PTPRR: variants seen among roughly 807,000 people sequenced by gnomAD.
The protein encoded by PTPRR is protein tyrosine phosphatase receptor type R, also known as receptor-type tyrosine-protein phosphatase R.
PTPRR carries 38 observed loss-of-function variants against 77.2 expected under a neutral mutation model. The ratio of observed to expected loss-of-function variants is 0.49; its 90% CI spans 0.38 to 0.65. The LOEUF is 0.65. Ranked by LOEUF, PTPRR falls within the 30% of genes least tolerant of loss-of-function variation. The pLI is 0.00. For synonymous variants in PTPRR, 299 were observed against 283.1 expected (o/e 1.06, Z -0.57); for missense variants, 744 against 799.2 (o/e 0.93, Z 0.83).
chr12:70,692,658 A>C (rs1166465186), intron 8 of PTPRR, among the ~76,000 whole-genome samples: 2 of 152,142 alleles, frequency 1.3e-5, no homozygotes, highest in African/African-American at 4.8e-5. Context: ...TGCAGATTTT[A>C]TGCTTTTGCA....
chr12:70,868,613 G>A (rs1269447043), intron 2 of PTPRR, among the ~76,000 whole-genome samples: 1 of 152,094 alleles, frequency 6.6e-6, no homozygotes, highest in Admixed American at 6.5e-5. Flanking sequence ...TTCAACCCTT[G>A]TGGAAGTCAG....
At chr12:70,881,929 G>T (rs1346739209) in intron 2 of PTPRR, among the ~76,000 whole-genome samples, 1 of 152,204 alleles carries the variant, frequency 6.6e-6, no homozygotes, top group African/African-American at 2.4e-5. Context: ...AAAGGGTGGA[G>T]AGTTGAATAT....
chr12:70,803,440 G>C (rs569085474), intron 2 of PTPRR, among the ~76,000 whole-genome samples: 1 of 152,148 alleles, frequency 6.6e-6, no homozygotes, highest in Non-Finnish European at 1.5e-5. Context: ...CAAACACCAA[G>C]AAGAAGCAGT....
chr12:70,858,905 T>C (rs1892699034), intron 2 of PTPRR, among the ~76,000 whole-genome samples: 2 of 152,040 alleles, frequency 1.3e-5, no homozygotes, highest in South Asian at 4.1e-4. Flanking sequence ...GTAGGCATTT[T>C]GAACACAATG....
At chr12:70,672,914 C>T (rs780303049) in intron 10 of PTPRR, 13 of 1,523,208 alleles carry the variant, frequency 8.5e-6, no homozygotes, top group Non-Finnish European at 1.1e-5. Flanking sequence ...TCCCACTCAG[C>T]TTAGCCCAGG....
intron 2 of PTPRR, among the ~76,000 whole-genome samples, chr12:70,799,625 T>C (rs1228083765): frequency 1.3e-5 from 2 of 152,160 alleles, no homozygotes. Flanking sequence ...GAAATTTCCA[T>C]TAAGTAACAA....
At chr12:70,646,592 T>C (rs1452026140) in intron 13 of PTPRR, among the ~76,000 whole-genome samples, 3 of 152,238 alleles carry the variant, frequency 2.0e-5, no homozygotes, top group African/African-American at 7.2e-5. Flanking sequence ...TAATATGTTT[T>C]ACAAAGTAGA....
intron 4 of PTPRR, among the ~76,000 whole-genome samples, chr12:70,755,933 T>C (rs761643993): frequency 4.6e-4 from 70 of 152,188 alleles, no homozygotes; most frequent in Middle Eastern, 3.4e-3. Flanking sequence ...GGTATAAATA[T>C]GGAAATGAAT....
intron 2 of PTPRR, among the ~76,000 whole-genome samples, chr12:70,780,065 C>T (rs1891171446): frequency 6.6e-6 from 1 of 151,836 alleles, no homozygotes; most frequent in African/African-American, 2.4e-5. Context: ...AATCTTGGCT[C>T]ACTGCAACCT....
chr12:70,899,721 A>T (rs1159255989), intron 1 of PTPRR, among the ~76,000 whole-genome samples: 2 of 151,396 alleles, frequency 1.3e-5, no homozygotes, highest in Non-Finnish European at 3.0e-5. Context: ...GCAATGAGAC[A>T]AAGAAAAGGA....
intron 2 of PTPRR, among the ~76,000 whole-genome samples, chr12:70,868,162 G>A (rs1010569894): frequency 6.6e-6 from 1 of 152,082 alleles, no homozygotes; most frequent in Admixed American, 6.6e-5. Flanking sequence ...AAAAGCAATG[G>A]CAATAAAAGA....
At chr12:70,907,306 T>A (rs1222215839) in intron 1 of PTPRR, among the ~76,000 whole-genome samples, 1 of 152,202 alleles carries the variant, frequency 6.6e-6, no homozygotes, top group South Asian at 2.1e-4. Flanking sequence ...GGGATGATTT[T>A]AATCACCTTG....
intron 1 of PTPRR, among the ~76,000 whole-genome samples, chr12:70,902,275 AAGT>A (rs1294590366): frequency 2.0e-5 from 3 of 151,836 alleles, no homozygotes; most frequent in African/African-American, 7.2e-5. Context: ...AAAGAACTAA[AAGT>A]AGAACTACTG....
chr12:70,679,807 C>G (rs1318502793), intron 10 of PTPRR, among the ~76,000 whole-genome samples: 1 of 152,080 alleles, frequency 6.6e-6, no homozygotes, highest in East Asian at 1.9e-4. Context: ...TTATAGACGT[C>G]ATATAGGTGA....
rs1042032615 is a variant in PTPRR, at chr12:70,821,520, C to A, written c.358-56742G>T. ...GATTACAGGTGTGAGCCACTGTGCC[C>A]GGCTGCGATCACTCTTTTATTGCCT... On this transcript the variant is annotated intron_variant, in intron 2 of 13. Coordinates refer to ENST00000283228, the MANE Select transcript of PTPRR (RefSeq NM_002849.4). Among the ~76,000 whole-genome samples, 3 of 151,820 alleles carry A rather than the reference C, an allele frequency of 2.0e-5. No individual in the cohort carries two copies. In the South Asian group the frequency reaches 6.3e-4, roughly 32 times the overall value.
At chr12:70,736,149 A>G (rs1020342557) in intron 6 of PTPRR, among the ~76,000 whole-genome samples, 4 of 152,164 alleles carry the variant, frequency 2.6e-5, no homozygotes, top group African/African-American at 9.7e-5. Context: ...GATTACCACC[A>G]GGCCTCCAGA....
intron 2 of PTPRR, among the ~76,000 whole-genome samples, chr12:70,827,411 G>A (rs1892130163): frequency 6.6e-6 from 1 of 152,182 alleles, no homozygotes; most frequent in African/African-American, 2.4e-5. Context: ...CTAGATCAAA[G>A]TGCTGGTAGA....
intron 13 of PTPRR, among the ~76,000 whole-genome samples, chr12:70,652,862 C>A (rs1886445679): frequency 6.6e-6 from 1 of 152,032 alleles, no homozygotes; most frequent in Admixed American, 6.5e-5. Context: ...AAGTGGAACC[C>A]AAGGTGGAGG....
chr12:70,709,979 C>T (rs1888764848), intron 6 of PTPRR, among the ~76,000 whole-genome samples: 1 of 152,080 alleles, frequency 6.6e-6, no homozygotes, highest in African/African-American at 2.4e-5. Flanking sequence ...TAAGAAATGG[C>T]TTACCTGAAT....
Sources: gnomAD v4.1 joint callset for allele counts (sites outside exome capture counted in the v4.1 genomes callset) on GRCh38, gnomAD v4.1.1 for gene constraint, MANE v1.5 for transcripts, NCBI Gene and HGNC (gene_info 2026-07-23, HGNC 2026-07-21) for gene names.